Variants in TUSC3 observed in about 807,000 individuals in gnomAD.
TUSC3 encodes the protein tumor suppressor candidate 3.
In TUSC3, 45 loss-of-function variants were observed where a neutral mutation model predicts 44.8. The ratio of observed to expected loss-of-function variants is 1.00; its 90% CI spans 0.79 to 1.29. The LOEUF is 1.29. Ranked by LOEUF, TUSC3 falls within the 50% of genes most tolerant of loss-of-function variation. The probability of loss-of-function intolerance (pLI) is 0.00; values close to 1 mark genes in which losing one functional copy is unlikely to be tolerated. For missense variants in TUSC3, 519 were observed against 437.9 expected (o/e 1.19, Z -1.65); for synonymous variants, 212 against 152.9 (o/e 1.39, Z -2.85).
At chr8:15,586,950 G>A (rs1205893361) in intron 1 of TUSC3, among the ~76,000 whole-genome samples, 1 of 152,142 alleles carries the variant, frequency 6.6e-6, no homozygotes, top group African/African-American at 2.4e-5. Flanking sequence ...CCATCCTAGT[G>A]ATTCTGATGA....
intron 2 of TUSC3, among the ~76,000 whole-genome samples, chr8:15,484,347 A>G (rs1284241636): frequency 2.6e-5 from 4 of 152,228 alleles, no homozygotes; most frequent in Admixed American, 6.5e-5. Context: ...AATGAATATA[A>G]TATAGTACTT....
Position 15,567,145 on chromosome 8 carries a change from C to G in TUSC3, c.138+26577C>G, listed in dbSNP as rs187733678. On this transcript the variant is annotated intron_variant, in intron 1 of 10. Coordinates refer to ENST00000503731, the MANE Select transcript of TUSC3 (RefSeq NM_006765.4). ...CGGCAGTTAAGAATTAGACTTGAGC[C>G]AGATCCAAGATTCTTTGAACTCTGA... is the stretch of plus-strand genomic sequence containing the variant. Among the ~76,000 whole-genome samples the G allele has an allele frequency of 3.3e-5, 5 of 152,206 alleles. No homozygotes were observed. In the East Asian group the frequency reaches 7.7e-4, roughly 23 times the overall value.
In TUSC3 at chr8:15,431,252, G is replaced by C. The variant is rs184123544; in HGVS notation, n.91+13947G>C. On this transcript the variant is annotated intron_variant and non_coding_transcript_variant, in intron 1 of 5. Coordinates refer to the TUSC3 transcript ENST00000503191. The stretch of plus-strand genomic sequence containing the variant: ...TTTTTAAGTCATTAGAATTTGATAG[G>C]GATAGCATTGTCTCTATAGATCACT... Among the ~76,000 whole-genome samples the C allele has an allele frequency of 2.6e-3, 396 of 151,242 alleles. 18 individuals carry two copies. The highest frequency in any genetic ancestry group is 9.2e-3 in the African/African-American group (375 of 40,884).
the TUSC3 span, among the ~76,000 whole-genome samples, chr8:15,788,439 T>A: frequency 4.0e-5 from 6 of 149,748 alleles, no homozygotes; most frequent in Non-Finnish European, 7.4e-5. Context: ...CGCAGCTACT[T>A]GGGAGGCTGA....
chr8:15,628,279 A>G (rs1457204677), intron 2 of TUSC3, among the ~76,000 whole-genome samples: 1 of 152,186 alleles, frequency 6.6e-6, no homozygotes, highest in African/African-American at 2.4e-5. Flanking sequence ...ATATAATTAT[A>G]TGTACTGTAA....
intron 1 of TUSC3, among the ~76,000 whole-genome samples, chr8:15,455,194 G>A (rs2010663): frequency 2.0e-5 from 3 of 152,154 alleles, no homozygotes; most frequent in Non-Finnish European, 4.4e-5. Context: ...CACATACCAA[G>A]TGACCTCTGG....
downstream of TUSC3, among the ~76,000 whole-genome samples, chr8:15,768,841 A>G (rs1812394243): frequency 6.6e-6 from 1 of 152,204 alleles, no homozygotes; most frequent in Admixed American, 6.5e-5. Context: ...TGCTACAAAA[A>G]GAATAAAATA....
At chr8:15,535,849 G>C (rs765825642), upstream of TUSC3, among the ~76,000 whole-genome samples, 6 of 152,248 alleles carry the variant, frequency 3.9e-5, no homozygotes, top group Non-Finnish European at 8.8e-5. Context: ...GCCTTGACCT[G>C]AATAAAGTGA....
At chr8:15,531,278 A>G (rs1801445313) in intron 2 of TUSC3, among the ~76,000 whole-genome samples, 1 of 152,158 alleles carries the variant, frequency 6.6e-6, no homozygotes, top group Non-Finnish European at 1.5e-5. Context: ...TTATTTATTT[A>G]GAGACACAGT....
At chr8:15,791,134 T>C in the TUSC3 span, among the ~76,000 whole-genome samples, 2 of 151,990 alleles carry the variant, frequency 1.3e-5, no homozygotes, top group Non-Finnish European at 1.5e-5. Context: ...CCCACCCAAA[T>C]AGTTTATGGC....
rs553941855 is a variant in TUSC3 at position 15,590,768 on chromosome 8, C to T, written c.139-32312C>T. Among the ~76,000 whole-genome samples, 3 of 151,852 alleles carry T rather than the reference C, an allele frequency of 2.0e-5. No homozygotes were observed. In the South Asian group the frequency reaches 6.2e-4, roughly 32 times the overall value. ...CTCATTGTTGCCTCTACCTCCTGGG[C>T]TCAGGCAGTCCTCTCACCACAGCCA... On this transcript the variant is annotated intron_variant, in intron 1 of 10. Transcript: ENST00000503731.
At chr8:15,626,401 T>A (rs1805510863) in intron 2 of TUSC3, among the ~76,000 whole-genome samples, 1 of 152,188 alleles carries the variant, frequency 6.6e-6, no homozygotes, top group African/African-American at 2.4e-5. Flanking sequence ...GGGGCAGTGC[T>A]GTGCTCCATA....
chr8:15,718,393 G>C (rs924650558), intron 6 of TUSC3, among the ~76,000 whole-genome samples: 5 of 152,108 alleles, frequency 3.3e-5, no homozygotes, highest in South Asian at 2.1e-4. Flanking sequence ...GTGCTGGAAA[G>C]ATAAATTTGT....
chr8:15,606,324 A>G (rs947259477), intron 1 of TUSC3, among the ~76,000 whole-genome samples: 9 of 152,038 alleles, frequency 5.9e-5, no homozygotes, highest in Non-Finnish European at 1.3e-4. Flanking sequence ...AGCTCACTTT[A>G]TTGTAAGAAT....
chr8:15,806,694 A>C, the TUSC3 span: 1 of 923,516 alleles, frequency 1.1e-6, no homozygotes, highest in Non-Finnish European at 1.8e-6. Flanking sequence ...ATACATTTGT[A>C]ATCAAAATCC....
chr8:15,630,319 C>G (rs1805702448), intron 2 of TUSC3, among the ~76,000 whole-genome samples: 1 of 152,122 alleles, frequency 6.6e-6, no homozygotes, highest in South Asian at 2.1e-4. Context: ...TTACAAAATA[C>G]TTTGAGAAGA....
the TUSC3 span, among the ~76,000 whole-genome samples, chr8:15,784,580 C>CTT: frequency 6.6e-6 from 1 of 151,796 alleles, no homozygotes; most frequent in Non-Finnish European, 1.5e-5. Context: ...ACCATTTAGC[C>CTT]TTTAAAAAGT....
intron 1 of TUSC3, among the ~76,000 whole-genome samples, chr8:15,591,456 GC>G (rs1563307645): frequency 6.6e-6 from 1 of 152,090 alleles, no homozygotes; most frequent in Non-Finnish European, 1.5e-5. Flanking sequence ...TATGCAACAG[GC>G]AATGTACAAA....
At chr8:15,738,448 T>C (rs1472780788) in intron 7 of TUSC3, among the ~76,000 whole-genome samples, 2 of 152,304 alleles carry the variant, frequency 1.3e-5, no homozygotes, top group East Asian at 1.9e-4. Context: ...CTGCCTGCTA[T>C]TTTTGTAAAT....
Sources: allele counts gnomAD v4.1 joint callset (sites outside exome capture counted in the v4.1 genomes callset), GRCh38; gene constraint gnomAD v4.1.1; transcripts MANE v1.5; gene names NCBI Gene and HGNC (gene_info 2026-07-23, HGNC 2026-07-21).